The following CD6 variants were observed in gnomAD, a reference collection of about 807,000 sequenced individuals.
CD6 encodes CD6 molecule.
A neutral mutation model predicts 75.3 loss-of-function variants in CD6; 53 were observed. That is an observed-to-expected ratio of 0.70 (90% CI 0.56 to 0.88). The LOEUF (loss-of-function observed/expected upper bound fraction) is 0.88, where lower values mean the gene tolerates loss of function less well. Among genes scored for constraint, CD6 ranks in the 40% least tolerant of loss-of-function variants. The pLI, the probability that CD6 is intolerant of heterozygous loss-of-function variation, is 0.00. For missense variants in CD6, 770 were observed against 897.1 expected, an observed-to-expected ratio of 0.86 and a Z score of 1.81; for synonymous variants, 359 against 381.5, an observed-to-expected ratio of 0.94 and a Z score of 0.69.
intron 1 of CD6, among the ~76,000 whole-genome samples, chr11:60,990,725 C>T (rs117018579): frequency 1.9e-4 from 26 of 134,420 alleles, no homozygotes; most frequent in Non-Finnish European, 3.3e-4. Context: ...TTTTATACTC[C>T]TATTACACAA....
intron 1 of CD6, among the ~76,000 whole-genome samples, chr11:60,992,851 A>G (rs1002170963): frequency 6.6e-6 from 1 of 151,894 alleles, no homozygotes; most frequent in Non-Finnish European, 1.5e-5. Context: ...AAATAAAAAA[A>G]TTAAAATTAA....
In CD6 at chr11:60,992,843, A is replaced by G. The variant is rs1485018406; in HGVS notation, c.50-13731A>G. Among the ~76,000 whole-genome samples the G allele has an allele frequency of 2.6e-5, 4 of 152,052 alleles. No homozygotes were observed. The East Asian group carries it at 5.8e-4, about 22-fold the overall frequency. On this transcript the variant is annotated intron_variant, in intron 1 of 12. Coordinates refer to ENST00000313421, the MANE Select transcript of CD6 (RefSeq NM_006725.5). ...ACTCCGTCTCCAAAAATAAAAAAAA[A>G]TAAAAAAATTAAAATTAAAATAAAT...
Position 61,002,693 on chromosome 11 carries a change from A to G in CD6, c.50-3881A>G, listed in dbSNP as rs1409221904. Among the ~76,000 whole-genome samples, 5 of 152,228 alleles carry G rather than the reference A, an allele frequency of 3.3e-5. No individual in the cohort carries two copies. The East Asian group carries it at 7.7e-4, about 23-fold the overall frequency. On this transcript the variant is annotated intron_variant, in intron 1 of 12. Coordinates refer to ENST00000313421, the MANE Select transcript of CD6 (RefSeq NM_006725.5). ...ATAACAAAGTACCACAGAGTGAGTAATTTAAAACAAAAAGAAATTTATTTC... is the reference window on the plus strand; with the variant it reads ...ATAACAAAGTACCACAGAGTGAGTAGTTTAAAACAAAAAGAAATTTATTTC...
At chr11:61,019,145 C>A (rs539969307) in intron 12 of CD6, 109 bp from the exon 13 acceptor site, 4 of 733,384 alleles carry the variant, frequency 5.5e-6, no homozygotes, top group East Asian at 2.7e-5. Flanking sequence ...TGGCTTCATG[C>A]AGCATCCCAC....
intron 1 of CD6, among the ~76,000 whole-genome samples, chr11:60,986,175 T>TA (rs1412012460): frequency 6.6e-6 from 1 of 152,202 alleles, no homozygotes; most frequent in Non-Finnish European, 1.5e-5. Flanking sequence ...ATCCTTATTG[T>TA]AAAAACGTTA....
intron 1 of CD6, among the ~76,000 whole-genome samples, chr11:60,990,034 T>A (rs1385922591): frequency 6.6e-6 from 1 of 152,164 alleles, no homozygotes; most frequent in Non-Finnish European, 1.5e-5. Flanking sequence ...TTTTATTTTA[T>A]TTTACTAAAA....
intron 1 of CD6, among the ~76,000 whole-genome samples, chr11:61,000,103 C>T (rs1249885509): frequency 6.6e-6 from 1 of 151,924 alleles, no homozygotes; most frequent in Non-Finnish European, 1.5e-5. Flanking sequence ...AAAAAACCAG[C>T]ACATCACAGC....
chr11:60,989,989 T>C (rs1479213897), intron 1 of CD6, among the ~76,000 whole-genome samples: 2 of 152,222 alleles, frequency 1.3e-5, no homozygotes, highest in Non-Finnish European at 2.9e-5. Flanking sequence ...TTTTCATATA[T>C]GCTTTTATTT....
At position 61,017,861 on chromosome 11, in the gene CD6, G is replaced by T. The variant is rs1859487873; in HGVS notation, c.1685G>T (p.Ser562Ile). Residue 562 changes from serine (S) to isoleucine (I), a missense_variant, in exon 11 of 13, where the codon AGT (serine) becomes ATT (isoleucine). Physicochemically the swap from Ser to Ile is moderately radical, Grantham distance 142. Transcript: ENST00000313421. ...LGPQYHPRSN[S>I]ESSTSSGEDY... is the part of the protein sequence containing the mutation. The stretch of plus-strand genomic sequence containing the variant: ...CCTCAGTATCACCCGAGGAGCAACA[G>T]TGAGTCGAGCACCTCTTCAGGGGAG... 6.2e-7 allele frequency: 1 copy of T among 1,614,164 alleles called. No homozygotes were observed.
chr11:61,016,739 T>A (rs1436094268), intron 9 of CD6, among the ~76,000 whole-genome samples: 1 of 152,164 alleles, frequency 6.6e-6, no homozygotes, highest in African/African-American at 2.4e-5. Context: ...GGCTCTGTCC[T>A]GGGCAGCTGT....
chr11:60,991,173 G>C (rs1219131619), intron 1 of CD6, among the ~76,000 whole-genome samples: 1 of 96,012 alleles, frequency 1.0e-5, no homozygotes, highest in African/African-American at 4.1e-5. Flanking sequence ...TTTTTGAGAC[G>C]GAGTTTCACT....
intron 1 of CD6, among the ~76,000 whole-genome samples, chr11:60,997,654 A>T (rs749030703): frequency 2.6e-5 from 4 of 152,286 alleles, no homozygotes; most frequent in Non-Finnish European, 4.4e-5. Flanking sequence ...TTCACCAGAA[A>T]CATTCAATCT....
intron 9 of CD6, 21 bp from the exon 10 acceptor site, chr11:61,017,458 C>A (rs1158789967): frequency 6.5e-7 from 1 of 1,542,900 alleles, no homozygotes; most frequent in Admixed American, 2.0e-5. Context: ...CACCCCTCCC[C>A]ACCACCGCCT....
intron 1 of CD6, among the ~76,000 whole-genome samples, chr11:60,972,910 G>A (rs1346800308): frequency 6.6e-6 from 1 of 152,170 alleles, no homozygotes; most frequent in African/African-American, 2.4e-5. Context: ...CCTCATACTG[G>A]TTCAGGGAAA....
At chr11:61,019,090 G>A in intron 12 of CD6, 164 bp from the exon 13 acceptor site, 2 of 599,738 alleles carry the variant, frequency 3.3e-6, no homozygotes, top group Middle Eastern at 5.4e-4. Context: ...TTCCCTCAGT[G>A]CTGATGTTCT....
At chr11:61,010,802 G>C (rs909340070) in intron 5 of CD6, among the ~76,000 whole-genome samples, 3 of 152,278 alleles carry the variant, frequency 2.0e-5, no homozygotes, top group Middle Eastern at 3.4e-3. Flanking sequence ...TTTGTGGTCT[G>C]TAGCAGCTTA....
chr11:60,994,543 T>C (rs1289667910), intron 1 of CD6, among the ~76,000 whole-genome samples: 1 of 150,314 alleles, frequency 6.7e-6, no homozygotes, highest in Non-Finnish European at 1.5e-5. Context: ...CTTCCATCCG[T>C]CTCTGTCAAT....
rs1590672137 is a variant in CD6 at position 60,982,574 on chromosome 11, C to T, written c.49+10660C>T. 4 of 456,040 alleles carry T rather than the reference C, an allele frequency of 8.8e-6. No individual in the cohort carries two copies. In the East Asian group the frequency reaches 2.8e-4, roughly 32 times the overall value. The allele number at this position is 456,040 out of a possible 1,614,324, so 28.2% of individuals were successfully genotyped here. On this transcript the variant is annotated intron_variant, in intron 1 of 12. Transcript: ENST00000313421. ...CCTGGAGGAGGCCCGTTCCCCACTC[C>T]ATTTGGTGTGCTCTCGTTTTGCCTC...
In CD6 at chr11:61,011,149, G is replaced by A. The variant is rs770940045; in HGVS notation, c.1150+14G>A. On this transcript the variant is annotated intron_variant, in intron 6 of 12. Transcript: ENST00000313421. ...CAGTCACTATAGGTAAGTGTTGCTG[G>A]GTACTACGCGGTTTCTCAGAAGCTT... The A allele has an allele frequency of 6.3e-7, 1 of 1,599,468 alleles. No homozygotes were observed. Among genetic ancestry groups the A allele is most frequent in the Non-Finnish European group, 8.5e-7 (1 of 1,171,014 alleles).
Sources: allele counts gnomAD v4.1 joint callset (sites outside exome capture counted in the v4.1 genomes callset), GRCh38; gene constraint gnomAD v4.1.1; transcripts MANE v1.5; gene names NCBI Gene and HGNC (gene_info 2026-07-23, HGNC 2026-07-21).